The following GRIN2A variants were observed in gnomAD, a reference collection of about 807,000 sequenced individuals.
The protein encoded by GRIN2A is glutamate ionotropic receptor NMDA type subunit 2A, also known as glutamate receptor ionotropic, NMDA 2A.
A neutral mutation model predicts 113.4 loss-of-function variants in GRIN2A; 22 were observed. The observed-to-expected ratio is 0.19, with a 90% CI of 0.14 to 0.28. The LOEUF (loss-of-function observed/expected upper bound fraction) is 0.28. Among genes scored for constraint, GRIN2A ranks in the 10% least tolerant of loss-of-function variants. The probability of loss-of-function intolerance (pLI) is 1.00; values close to 1 mark genes in which losing one functional copy is unlikely to be tolerated. For missense variants in GRIN2A, 1,502 were observed against 1,887.0 expected, an observed-to-expected ratio of 0.80 and a Z score of 3.78; for synonymous variants, 827 against 738.4, an observed-to-expected ratio of 1.12 and a Z score of -1.94.
intron 5 of GRIN2A, among the ~76,000 whole-genome samples, chr16:9,843,711 G>A (rs935753050): frequency 6.6e-6 from 1 of 152,032 alleles, no homozygotes; most frequent in Middle Eastern, 3.2e-3. Flanking sequence ...GAGGCTGGAT[G>A]ACCTGCTGTC....
chr16:9,975,767 A>C (rs1338681002), intron 2 of GRIN2A, among the ~76,000 whole-genome samples: 5 of 152,246 alleles, frequency 3.3e-5, no homozygotes, highest in African/African-American at 4.8e-5. Flanking sequence ...TTCTCTACCT[A>C]CAAGAGATGT....
At chr16:10,147,650 A>AAAG (rs1237770213) in intron 2 of GRIN2A, among the ~76,000 whole-genome samples, 5 of 145,040 alleles carry the variant, frequency 3.4e-5, no homozygotes, top group African/African-American at 1.1e-4. Flanking sequence ...AAAAAAAAAA[A>AAAG]AAGAAGAAGA....
In GRIN2A at chr16:10,015,147, G is replaced by A. The variant is rs566567272; in HGVS notation, c.415-76596C>T. Among the ~76,000 whole-genome samples the A allele has an allele frequency of 4.1e-5, 6 of 148,136 alleles. No individual in the cohort carries two copies. In the South Asian group the frequency reaches 6.5e-4, roughly 16 times the overall value. On this transcript the variant is annotated intron_variant, in intron 2 of 12. Transcript: ENST00000330684. ...CACATGCCTATAATCCCAGCTACTC[G>A]GGAGGCTGAGGCAGAAGAATCACTT...
Position 10,083,328 on chromosome 16 carries a change from C to T in GRIN2A, c.414+96670G>A, listed in dbSNP as rs765237482. On this transcript the variant is annotated intron_variant, in intron 2 of 12. Coordinates refer to ENST00000330684, the MANE Select transcript of GRIN2A (RefSeq NM_001134407.3). ...ATGTACATGAGAAGACGTGTGTGGC[C>T]CCTGGGAGAAGGGAGCAACCATTAG... Among the ~76,000 whole-genome samples, 8 of 152,258 alleles carry T rather than the reference C, an allele frequency of 5.3e-5. No homozygotes were observed. In the East Asian group the frequency reaches 5.8e-4, roughly 11 times the overall value.
intron 2 of GRIN2A, among the ~76,000 whole-genome samples, chr16:10,174,100 T>C (rs1249531027): frequency 5.3e-5 from 8 of 152,034 alleles, no homozygotes. Context: ...GGAGGATAGG[T>C]CCAATATGAG....
At chr16:9,976,649 C>T (rs1387512062) in intron 2 of GRIN2A, among the ~76,000 whole-genome samples, 3 of 152,256 alleles carry the variant, frequency 2.0e-5, no homozygotes, top group Non-Finnish European at 4.4e-5. Flanking sequence ...CTTTTTAACA[C>T]GACTAATACC....
chr16:9,833,788 C>T (rs910352561), intron 8 of GRIN2A, among the ~76,000 whole-genome samples: 10 of 152,148 alleles, frequency 6.6e-5, no homozygotes, highest in Non-Finnish European at 1.3e-4. Context: ...GGCACAATCT[C>T]GACTCACTGC....
At chr16:9,963,519 A>G (rs1234854219) in intron 2 of GRIN2A, among the ~76,000 whole-genome samples, 3 of 152,072 alleles carry the variant, frequency 2.0e-5, no homozygotes, top group Non-Finnish European at 4.4e-5. Flanking sequence ...CTTATGAGTG[A>G]AAACATGTGG....
At chr16:10,048,462 G>T (rs1028803639) in intron 2 of GRIN2A, among the ~76,000 whole-genome samples, 2 of 152,160 alleles carry the variant, frequency 1.3e-5, no homozygotes, top group African/African-American at 4.8e-5. Context: ...ACTTCTATTT[G>T]CCCAAAGGAT....
At chr16:9,788,744 T>C (rs1461163519) in intron 11 of GRIN2A, among the ~76,000 whole-genome samples, 1 of 150,208 alleles carries the variant, frequency 6.7e-6, no homozygotes, top group Non-Finnish European at 1.5e-5. Context: ...AGTCTTCTTT[T>C]TTTTTTTTTT....
chr16:10,048,088 C>T (rs1056646415), intron 2 of GRIN2A, among the ~76,000 whole-genome samples: 1 of 152,158 alleles, frequency 6.6e-6, no homozygotes, highest in Non-Finnish European at 1.5e-5. Flanking sequence ...AGTTCAGACT[C>T]AATAGTTATA....
At chr16:9,836,971 G>A (rs759936125) in intron 7 of GRIN2A, among the ~76,000 whole-genome samples, 54 of 152,312 alleles carry the variant, frequency 3.5e-4, no homozygotes, top group Non-Finnish European at 6.0e-4. Flanking sequence ...CTCTGTCCTT[G>A]AAGAGCCACT....
chr16:10,008,797 C>G (rs939825300), intron 2 of GRIN2A, among the ~76,000 whole-genome samples: 2 of 152,126 alleles, frequency 1.3e-5, no homozygotes, highest in Non-Finnish European at 2.9e-5. Flanking sequence ...TGTTAGAAAA[C>G]AAAACTGATT....
Position 9,762,240 on chromosome 16 carries a change from C to G in GRIN2A, c.*909G>C, listed in dbSNP as rs907716511. 1 of 223,976 alleles carries G rather than the reference C, an allele frequency of 4.5e-6. No homozygotes were observed. The highest frequency in any genetic ancestry group is 2.2e-5 in the African/African-American group (1 of 44,768). The allele number at this position is 223,976 out of a possible 1,614,324, so 13.9% of individuals were successfully genotyped here. A position where few individuals can be genotyped will look rare whatever the true frequency, so the allele number is the denominator to read the frequency against. On this transcript the variant is annotated 3_prime_UTR_variant, in exon 13 of 13. Coordinates refer to ENST00000330684, the MANE Select transcript of GRIN2A (RefSeq NM_001134407.3). ...GAAGGGGTAACAGATACTATACAAC[C>G]CTGAGTCATCACCAGAAGGGAGGAA...
chr16:9,908,409 C>CT (rs57977147), intron 3 of GRIN2A, among the ~76,000 whole-genome samples: 59,312 of 151,508 alleles, frequency 0.39, 12,495 homozygotes, highest in African/African-American at 0.53. Flanking sequence ...AAGAATATAG[C>CT]TTTTTTTTCT....
At chr16:10,107,922 C>A (rs187338790) in intron 2 of GRIN2A, among the ~76,000 whole-genome samples, 1 of 152,156 alleles carries the variant, frequency 6.6e-6, no homozygotes, top group Non-Finnish European at 1.5e-5. Flanking sequence ...TGATGCTTAC[C>A]CTCTGGTGGG....
At chr16:9,792,873 A>G (rs191136209) in intron 11 of GRIN2A, among the ~76,000 whole-genome samples, 38 of 152,334 alleles carry the variant, frequency 2.5e-4, no homozygotes, top group Non-Finnish European at 4.9e-4. Context: ...TTTAGTAGGA[A>G]ATGATCAGAA....
intron 2 of GRIN2A, among the ~76,000 whole-genome samples, chr16:10,144,087 T>A (rs2049382077): frequency 6.6e-6 from 1 of 152,228 alleles, no homozygotes; most frequent in African/African-American, 2.4e-5. Context: ...TTCAATTCTT[T>A]GGGATATGTA....
chr16:9,773,426 A>G (rs989895049), intron 11 of GRIN2A, among the ~76,000 whole-genome samples: 2 of 152,204 alleles, frequency 1.3e-5, no homozygotes, highest in African/African-American at 4.8e-5. Flanking sequence ...AGTTTCTCCT[A>G]TTAAAAAGAG....
Sources: gnomAD v4.1 joint callset for allele counts (sites outside exome capture counted in the v4.1 genomes callset) on GRCh38, gnomAD v4.1.1 for gene constraint, MANE v1.5 for transcripts, NCBI Gene and HGNC (gene_info 2026-07-23, HGNC 2026-07-21) for gene names.